AFF3: variants seen among roughly 807,000 people sequenced by gnomAD.
The protein encoded by AFF3 is AF4/FMR2 family member 3.
AFF3 carries 32 observed loss-of-function variants against 129.7 expected under a neutral mutation model. That is an observed-to-expected ratio of 0.25 (90% confidence interval 0.19 to 0.33). The LOEUF is 0.33. Among genes scored for constraint, AFF3 ranks in the 10% least tolerant of loss-of-function variants. The pLI, the probability that AFF3 is intolerant of heterozygous loss-of-function variation, is 1.00. For missense variants in AFF3, 1,373 were observed against 1,592.0 expected (o/e 0.86, Z 2.34); for synonymous variants, 644 against 635.4 (o/e 1.01, Z -0.20).
intron 15 of AFF3, among the ~76,000 whole-genome samples, chr2:99,592,942 C>CAA (rs374523974): frequency 7.4e-5 from 9 of 121,756 alleles, no homozygotes; most frequent in South Asian, 6.0e-4. Context: ...TCCCCCCCCC[C>CAA]CAAAAAAAGG....
At chr2:99,976,378 G>C (rs1050113908) in intron 7 of AFF3, among the ~76,000 whole-genome samples, 2 of 152,152 alleles carry the variant, frequency 1.3e-5, no homozygotes, top group African/African-American at 2.4e-5. Context: ...TGAGGCCCAA[G>C]GACTCAATGA....
chr2:99,972,837 C>G (rs1678520485), intron 7 of AFF3, among the ~76,000 whole-genome samples: 1 of 152,152 alleles, frequency 6.6e-6, no homozygotes, highest in Non-Finnish European at 1.5e-5. Flanking sequence ...TCGCTCAACT[C>G]CCAGAGATGA....
chr2:99,918,431 T>C (rs1217027427), intron 7 of AFF3, among the ~76,000 whole-genome samples: 1 of 152,182 alleles, frequency 6.6e-6, no homozygotes, highest in Non-Finnish European at 1.5e-5. Flanking sequence ...CTATTCCTAG[T>C]TCTGCAGCAC....
At chr2:100,139,865 G>A (rs1692790281) in intron 1 of AFF3, among the ~76,000 whole-genome samples, 2 of 152,174 alleles carry the variant, frequency 1.3e-5, no homozygotes, top group African/African-American at 4.8e-5. Context: ...TTCTAGAACA[G>A]TCATTGCAAT....
intron 7 of AFF3, among the ~76,000 whole-genome samples, chr2:99,879,734 A>G (rs1032318369): frequency 1.3e-5 from 2 of 152,234 alleles, no homozygotes; most frequent in East Asian, 1.9e-4. Flanking sequence ...CCCAAGGACC[A>G]TATCTGTGCT....
intron 13 of AFF3, among the ~76,000 whole-genome samples, chr2:99,619,374 A>G (rs1335871707): frequency 6.6e-6 from 1 of 152,252 alleles, no homozygotes; most frequent in Non-Finnish European, 1.5e-5. Flanking sequence ...TATCAGCTCA[A>G]GCTGTGATCT....
intron 7 of AFF3, among the ~76,000 whole-genome samples, chr2:99,952,615 A>C (rs1676269926): frequency 6.6e-6 from 1 of 152,306 alleles, no homozygotes; most frequent in South Asian, 2.1e-4. Context: ...AGAAAGATGA[A>C]TACATCAAAA....
In AFF3 at chr2:99,560,354, T is replaced by C; in HGVS notation, c.3191+11A>G. 6.2e-7 allele frequency: 1 copy of C among 1,613,786 alleles called. No individual in the cohort carries two copies. The highest frequency in any genetic ancestry group is 8.5e-7 in the Non-Finnish European group (1 of 1,179,800). On this transcript the variant is annotated intron_variant, in intron 21 of 24. Coordinates refer to ENST00000672756, the MANE Select transcript of AFF3 (RefSeq NM_001386135.1). ...CTGGGGCTGCTATTCTAAGCGGAGA[T>C]GGGCACTCACCATAATGCAGCCAGT... is the stretch of plus-strand genomic sequence containing the variant.
chr2:99,586,523 G>A (rs1447914485), intron 16 of AFF3, among the ~76,000 whole-genome samples: 2 of 152,170 alleles, frequency 1.3e-5, no homozygotes, highest in East Asian at 1.9e-4. Context: ...AGTGGTTTCC[G>A]TGCTGTGGTA....
chr2:99,911,351 G>A lies in AFF3; in HGVS notation c.874-73827C>T, dbSNP rs183121139. 7.1e-3 allele frequency among the ~76,000 whole-genome samples: 1,075 copies of A among 151,100 alleles called. 6 individuals are homozygous for A. The highest frequency in any genetic ancestry group is 0.011 in the Non-Finnish European group (735 of 67,888). ...TGCAGTGGGCCGAGATCGTGCCACTGCACTCCAGCCTGGGCAACAGAGTGA... is the reference window on the plus strand; with the variant it reads ...TGCAGTGGGCCGAGATCGTGCCACTACACTCCAGCCTGGGCAACAGAGTGA... On this transcript the variant is annotated intron_variant, in intron 7 of 24. Coordinates refer to ENST00000672756, the MANE Select transcript of AFF3 (RefSeq NM_001386135.1).
intron 7 of AFF3, among the ~76,000 whole-genome samples, chr2:99,906,034 AG>A (rs1176251669): frequency 6.6e-6 from 1 of 152,210 alleles, no homozygotes; most frequent in African/African-American, 2.4e-5. Context: ...AAACTTTCAT[AG>A]GTCCCAACAC....
chr2:99,895,509 A>AC (rs1280940132), intron 7 of AFF3, among the ~76,000 whole-genome samples: 1 of 152,200 alleles, frequency 6.6e-6, no homozygotes, highest in Non-Finnish European at 1.5e-5. Flanking sequence ...GCATCCATTT[A>AC]CATAACCTTC....
At chr2:99,986,561 T>C (rs1679895122) in intron 7 of AFF3, among the ~76,000 whole-genome samples, 1 of 152,192 alleles carries the variant, frequency 6.6e-6, no homozygotes, top group Non-Finnish European at 1.5e-5. Flanking sequence ...AACTGTATTA[T>C]TAGTACTATA....
intron 10 of AFF3, among the ~76,000 whole-genome samples, chr2:99,731,802 T>C (rs1177504380): frequency 6.6e-6 from 1 of 152,232 alleles, no homozygotes; most frequent in Admixed American, 6.5e-5. Context: ...CCGACATTTA[T>C]GTCAAATGAA....
chr2:100,002,543 C>T (rs555126248), intron 7 of AFF3, among the ~76,000 whole-genome samples: 16 of 152,268 alleles, frequency 1.1e-4, no homozygotes, highest in Admixed American at 9.2e-4. Context: ...TAAATGGTTT[C>T]TCTGTTCTTA....
chr2:99,603,035 G>A (rs1002706082), intron 13 of AFF3, among the ~76,000 whole-genome samples: 2 of 152,110 alleles, frequency 1.3e-5, no homozygotes, highest in African/African-American at 4.8e-5. Flanking sequence ...CCAATGTCAC[G>A]GTCCACACTG....
intron 11 of AFF3, among the ~76,000 whole-genome samples, chr2:99,698,950 A>G (rs573502087): frequency 6.6e-6 from 1 of 152,366 alleles, no homozygotes; most frequent in South Asian, 2.1e-4. Flanking sequence ...AAGGGAGCAC[A>G]TCAATGTAAG....
At chr2:99,700,116 A>G (rs567638861) in intron 11 of AFF3, among the ~76,000 whole-genome samples, 1 of 127,188 alleles carries the variant, frequency 7.9e-6, no homozygotes, top group East Asian at 2.4e-4. Flanking sequence ...ACTTGCTTCA[A>G]AGCCTCCTTT....
intron 8 of AFF3, among the ~76,000 whole-genome samples, chr2:99,808,986 GGA>G (rs1686576871): frequency 6.6e-6 from 1 of 152,112 alleles, no homozygotes; most frequent in African/African-American, 2.4e-5. Flanking sequence ...TGCAAGCACA[GGA>G]GTTCGTTCCC....
Sources: allele counts gnomAD v4.1 joint callset (sites outside exome capture counted in the v4.1 genomes callset), GRCh38; gene constraint gnomAD v4.1.1; transcripts MANE v1.5; gene names NCBI Gene and HGNC (gene_info 2026-07-23, HGNC 2026-07-21).